Variants in STS observed in about 807,000 individuals in gnomAD.
STS encodes the protein steryl-sulfatase.
STS carries 7 observed loss-of-function variants against 26.8 expected under a neutral mutation model. The ratio of observed to expected loss-of-function variants is 0.26; its 90% CI spans 0.15 to 0.49. The LOEUF (loss-of-function observed/expected upper bound fraction) is 0.49, where lower values mean the gene tolerates loss of function less well. STS is among the 20% of genes least tolerant of loss of function. STS has a pLI of 0.98. For synonymous variants in STS, 199 were observed against 189.4 expected, an observed-to-expected ratio of 1.05 and a Z score of -0.42; for missense variants, 434 against 465.6, an observed-to-expected ratio of 0.93 and a Z score of 0.63.
At chrX:7,304,100 A>G (rs1444296165) in intron 7 of STS, among the ~76,000 whole-genome samples, 4 of 111,367 alleles carry the variant, frequency 3.6e-5, no homozygotes, top group South Asian at 3.7e-4. Flanking sequence ...CACTGAGTCT[A>G]TCTATTCACC....
chrX:7,251,993 A>C (rs1328979639), intron 2 of STS, among the ~76,000 whole-genome samples: 1 of 110,965 alleles, frequency 9.0e-6, no homozygotes, highest in Non-Finnish European at 1.9e-5. Context: ...AAATTACTTA[A>C]TAGAACAAAG....
intron 8 of STS, among the ~76,000 whole-genome samples, chrX:7,319,965 AT>A (rs1450279504): frequency 3.3e-5 from 3 of 90,336 alleles, no homozygotes; most frequent in African/African-American, 4.5e-5. Context: ...TTATATATAT[AT>A]TTTATATATA....
At chrX:7,235,836 T>C (rs957407964) in intron 2 of STS, among the ~76,000 whole-genome samples, 2 of 112,033 alleles carry the variant, frequency 1.8e-5, no homozygotes, top group African/African-American at 6.5e-5. Flanking sequence ...AGATATCCAA[T>C]GTTGGTTATT....
intron 9 of STS, among the ~76,000 whole-genome samples, chrX:7,326,104 T>C (rs150660339): frequency 4.2e-3 from 468 of 110,515 alleles, no homozygotes; most frequent in African/African-American, 0.015. Context: ...CGCCTTGGGG[T>C]AGAGTGGGAC....
At chrX:7,341,279 G>A (rs1401997380) in intron 10 of STS, among the ~76,000 whole-genome samples, 2 of 111,036 alleles carry the variant, frequency 1.8e-5, no homozygotes, top group South Asian at 3.8e-4. Context: ...CCACCTAACC[G>A]TGTATCTGGA....
intron 2 of STS, among the ~76,000 whole-genome samples, chrX:7,194,805 CAG>C (rs1277055741): frequency 9.0e-6 from 1 of 111,606 alleles, no homozygotes; most frequent in Non-Finnish European, 1.9e-5. Flanking sequence ...CGCTGGATGA[CAG>C]GGATACGTTC....
intron 1 of STS, among the ~76,000 whole-genome samples, chrX:7,148,966 G>C (rs1360140007): frequency 9.4e-6 from 1 of 105,874 alleles, no homozygotes; most frequent in Non-Finnish European, 1.9e-5. Context: ...TTTCCCGTTT[G>C]CCATCGTCAA....
intron 9 of STS, among the ~76,000 whole-genome samples, chrX:7,326,202 C>T (rs1383756135): frequency 9.0e-6 from 1 of 110,902 alleles, no homozygotes; most frequent in East Asian, 2.8e-4. Context: ...ACGATGCCTC[C>T]AGCTGTACTT....
intron 1 of STS, among the ~76,000 whole-genome samples, chrX:7,168,867 G>T (rs1163230452): frequency 9.0e-6 from 1 of 111,496 alleles, no homozygotes; most frequent in Non-Finnish European, 1.9e-5. Context: ...TCACAGTAGG[G>T]TTTATTTGTC....
At chrX:7,328,902 G>A (rs753579213) in intron 9 of STS, among the ~76,000 whole-genome samples, 1 of 111,282 alleles carries the variant, frequency 9.0e-6, no homozygotes, top group African/African-American at 3.3e-5. Flanking sequence ...CACCATGTTG[G>A]CCAGGCTGGT....
intron 2 of STS, among the ~76,000 whole-genome samples, chrX:7,202,768 CTAAG>C (rs1934095639): frequency 9.0e-6 from 1 of 111,031 alleles, no homozygotes; most frequent in Non-Finnish European, 1.9e-5. Context: ...AGTTGGTGGA[CTAAG>C]TGAGGAAGAT....
intron 1 of STS, among the ~76,000 whole-genome samples, chrX:7,162,882 TA>T (rs758518020): frequency 2.0e-3 from 100 of 49,773 alleles, no homozygotes; most frequent in East Asian, 0.018. Context: ...CCGTCTATAC[TA>T]AAAAAAAAAA....
intron 6 of STS, among the ~76,000 whole-genome samples, chrX:7,270,617 T>C (rs371125190): frequency 1.8e-5 from 2 of 112,268 alleles, no homozygotes; most frequent in Admixed American, 9.5e-5. Context: ...AGAGTATACA[T>C]AAAGATGCTG....
intron 2 of STS, among the ~76,000 whole-genome samples, chrX:7,222,956 C>T (rs529619490): frequency 9.0e-6 from 1 of 111,549 alleles, no homozygotes; most frequent in African/African-American, 3.3e-5. Context: ...TTAGTATATC[C>T]ATGTCTATCC....
At chrX:7,253,727 G>T (rs1020864351) in intron 3 of STS, among the ~76,000 whole-genome samples, 4 of 111,783 alleles carry the variant, frequency 3.6e-5, no homozygotes, top group Non-Finnish European at 7.5e-5. Context: ...GCTCATCAGT[G>T]ACTTACTCTC....
At chrX:7,201,584 T>C (rs1934073765) in intron 2 of STS, among the ~76,000 whole-genome samples, 1 of 109,952 alleles carries the variant, frequency 9.1e-6, no homozygotes, top group Admixed American at 9.8e-5. Flanking sequence ...TCCTTTCTGC[T>C]TGTGCTGTGG....
In STS at chrX:7,323,379, C is replaced by G. The variant is rs147911209; in HGVS notation, c.1082-1960C>G. Among the ~76,000 whole-genome samples, 670 of 111,066 alleles carry G rather than the reference C, an allele frequency of 6.0e-3. 5 individuals are homozygous for G. Among genetic ancestry groups the G allele is most frequent in the African/African-American group, 0.02 (605 of 30,502 alleles). ...TTTTTCACTCCTTGACCTCCTCCCTCTTTCCCCCCTAGTAGTTCCCAGTGT... is the reference window on the plus strand; with the variant it reads ...TTTTTCACTCCTTGACCTCCTCCCTGTTTCCCCCCTAGTAGTTCCCAGTGT... On this transcript the variant is annotated intron_variant, in intron 8 of 10. Transcript: ENST00000674429.
rs753327600 is a variant in STS, at chrX:7,295,420, A to G, written c.944-9626A>G. On this transcript the variant is annotated intron_variant, in intron 7 of 10. Transcript: ENST00000674429. ...ACAGGCTCAATAAATGGTAACTGCT[A>G]TCATTATTATTATCATTATTGTTAT... Among the ~76,000 whole-genome samples the G allele has an allele frequency of 5.4e-5, 6 of 111,237 alleles. No homozygotes were observed. The South Asian group carries it at 2.3e-3, about 42-fold the overall frequency.
intron 3 of STS, among the ~76,000 whole-genome samples, chrX:7,255,508 G>A (rs993977777): frequency 9.0e-6 from 1 of 111,703 alleles, no homozygotes; most frequent in African/African-American, 3.3e-5. Context: ...AGCCTTTGAG[G>A]TTAAATCTTT....
Sources: allele counts gnomAD v4.1 joint callset (sites outside exome capture counted in the v4.1 genomes callset), GRCh38; gene constraint gnomAD v4.1.1; transcripts MANE v1.5; gene names NCBI Gene and HGNC (gene_info 2026-07-23, HGNC 2026-07-21).